Variants in SPTBN4 observed in about 807,000 individuals in gnomAD.
The protein encoded by SPTBN4 is spectrin beta, non-erythrocytic 4, also known as spectrin beta chain, non-erythrocytic 4.
In SPTBN4, 96 loss-of-function variants were observed where a neutral mutation model predicts 277.8. The observed-to-expected ratio is 0.35, with a 90% confidence interval of 0.29 to 0.41. SPTBN4 has a LOEUF of 0.41. SPTBN4 is among the 10% of genes least tolerant of loss of function. The probability of loss-of-function intolerance (pLI) is 1.00; values close to 1 mark genes in which losing one functional copy is unlikely to be tolerated. For missense variants in SPTBN4, 3,006 were observed against 3,595.7 expected, an observed-to-expected ratio of 0.84 and a Z score of 4.19; for synonymous variants, 1,481 against 1,580.3, an observed-to-expected ratio of 0.94 and a Z score of 1.49.
intron 1 of SPTBN4, among the ~76,000 whole-genome samples, chr19:40,471,905 ATTTTTTTTT>A (rs34333509): frequency 1.8e-5 from 2 of 109,384 alleles, no homozygotes; most frequent in African/African-American, 3.3e-5. Flanking sequence ...ACATCCAGCT[ATTTTTTTTT>A]TTTTTTTTTT....
intron 7 of SPTBN4, among the ~76,000 whole-genome samples, chr19:40,499,367 A>G (rs2080238688): frequency 6.6e-6 from 1 of 151,700 alleles, no homozygotes; most frequent in Middle Eastern, 3.2e-3. Flanking sequence ...ATCCAACTGA[A>G]TTTAATATTT....
At chr19:40,533,597 G>A (rs1161573845) in intron 19 of SPTBN4, among the ~76,000 whole-genome samples, 3 of 152,104 alleles carry the variant, frequency 2.0e-5, no homozygotes, top group African/African-American at 7.3e-5. Context: ...GGCATATGGC[G>A]AAGGCAGTCT....
chr19:40,523,192 G>A, intron 16 of SPTBN4, among the ~76,000 whole-genome samples: 1 of 152,166 alleles, frequency 6.6e-6, no homozygotes. Context: ...TGGGGTGGGA[G>A]TTGATAAATT....
chr19:40,486,132 A>G (rs2080069764), intron 2 of SPTBN4, among the ~76,000 whole-genome samples: 5 of 152,076 alleles, frequency 3.3e-5, no homozygotes, highest in Admixed American at 2.6e-4. Flanking sequence ...CTCCACACCA[A>G]ATACAAAAAT....
Position 40,487,856 on chromosome 19 carries a change from G to C in SPTBN4, c.321+8G>C. The C allele has an allele frequency of 6.3e-7, 1 of 1,592,924 alleles. No homozygotes were observed. Among genetic ancestry groups the C allele is most frequent in the Non-Finnish European group, 8.5e-7 (1 of 1,170,690 alleles). On this transcript the variant is annotated splice_region_variant and intron_variant, in intron 3 of 35. Coordinates refer to ENST00000598249, the MANE Select transcript of SPTBN4 (RefSeq NM_020971.3). Reference sequence around the variant, plus strand: ...CTGTCTGGGGAGCAGCTGGTGAGGGGGCCTGAAGGGCTGGGGCAGGGGTCC... The same window carrying C: ...CTGTCTGGGGAGCAGCTGGTGAGGGCGCCTGAAGGGCTGGGGCAGGGGTCC...
chr19:40,513,145 C>T lies in SPTBN4; in HGVS notation c.2356C>T (p.Leu786=). 6.7e-7 allele frequency: 1 copy of T among 1,496,742 alleles called. No homozygotes were observed. Among genetic ancestry groups the T allele is most frequent in the East Asian group, 2.8e-5 (1 of 35,874 alleles). 92.7% of individuals were successfully genotyped at this position (1,496,742 alleles called of 1,614,324 possible). A position where few individuals can be genotyped will look rare whatever the true frequency, so the allele number is the denominator to read the frequency against. ...GTTCGGCGCTGACCTCGACGGGCTG[C>T]TGGACTGGCTTCGCGACGCTTACCG... ...HQFGADLDGL[L]DWLRDAYRLA... Residue 786 remains leucine (L), a synonymous_variant, in exon 14 of 36, where the codon CTG becomes TTG. Transcript: ENST00000598249.
At chr19:40,477,899 C>T (rs888483713) in intron 2 of SPTBN4, among the ~76,000 whole-genome samples, 5 of 152,104 alleles carry the variant, frequency 3.3e-5, no homozygotes, top group South Asian at 4.2e-4. Context: ...AGTGCAATGC[C>T]GCAGTCTCGG....
intron 3 of SPTBN4, among the ~76,000 whole-genome samples, chr19:40,489,784 G>T (rs2080116093): frequency 6.6e-6 from 1 of 152,212 alleles, no homozygotes; most frequent in South Asian, 2.1e-4. Flanking sequence ...TCATGATGGG[G>T]GCGTGGTTAT....
intron 16 of SPTBN4, among the ~76,000 whole-genome samples, chr19:40,521,027 C>T (rs1012069891): frequency 6.6e-6 from 1 of 151,988 alleles, no homozygotes; most frequent in Non-Finnish European, 1.5e-5. Context: ...CGGGTTCAAA[C>T]GATTCTCCTG....
intron 20 of SPTBN4, among the ~76,000 whole-genome samples, chr19:40,540,334 C>T (rs962939209): frequency 4.6e-5 from 7 of 152,060 alleles, no homozygotes; most frequent in South Asian, 2.1e-4. Context: ...ATGTGATACA[C>T]GGTTACTTCA....
At chr19:40,496,572 C>T (rs568626808) in intron 6 of SPTBN4, among the ~76,000 whole-genome samples, 1 of 152,106 alleles carries the variant, frequency 6.6e-6, no homozygotes, top group African/African-American at 2.4e-5. Context: ...GGATGAGCCA[C>T]CATGCCCGGC....
rs114998072 is a variant in SPTBN4 at position 40,557,456 on chromosome 19, C to A, written c.5670+53C>A. Reference sequence around the variant, plus strand: ...GTGGGAGGGCCTGGACAGCTGTGGGCAGCAGAGTGGGCAAAAATCAGGCTG... The same window carrying A: ...GTGGGAGGGCCTGGACAGCTGTGGGAAGCAGAGTGGGCAAAAATCAGGCTG... On this transcript the variant is annotated intron_variant, in intron 26 of 35. Transcript: ENST00000598249. The A allele has an allele frequency of 7.9e-4, 1,183 of 1,493,412 alleles. 8 individuals carry two copies. In the African/African-American group the frequency reaches 0.015, roughly 19 times the overall value. 92.5% of individuals were successfully genotyped at this position (1,493,412 alleles called of 1,614,324 possible). A position where few individuals can be genotyped will look rare whatever the true frequency, so the allele number is the denominator to read the frequency against.
At chr19:40,549,589 T>A (rs1394284323) in intron 21 of SPTBN4, among the ~76,000 whole-genome samples, 176 bp downstream of exon 21, 1 of 152,256 alleles carries the variant, frequency 6.6e-6, no homozygotes, top group Non-Finnish European at 1.5e-5. Context: ...CTTTGAATCA[T>A]TCGTTGATTT....
At chr19:40,504,789 A>C (rs1434555923) in intron 12 of SPTBN4, among the ~76,000 whole-genome samples, 3 of 152,104 alleles carry the variant, frequency 2.0e-5, no homozygotes, top group Non-Finnish European at 2.9e-5. Context: ...CAGAGGCTGC[A>C]GTAAGCCAAG....
intron 20 of SPTBN4, among the ~76,000 whole-genome samples, chr19:40,539,335 G>T (rs954094015): frequency 1.3e-5 from 2 of 152,174 alleles, no homozygotes; most frequent in African/African-American, 4.8e-5. Flanking sequence ...CTCACCCCCT[G>T]GTGGATAGCA....
chr19:40,567,635 A>G lies in SPTBN4; in HGVS notation c.6337-28A>G, dbSNP rs971397784. 4.3e-6 allele frequency: 5 copies of G among 1,168,456 alleles called. No individual in the cohort carries two copies. The African/African-American group carries it at 8.8e-5, about 21-fold the overall frequency. The allele number at this position is 1,168,456 out of a possible 1,614,324, so 72.4% of individuals were successfully genotyped here. A position where few individuals can be genotyped will look rare whatever the true frequency, so the allele number is the denominator to read the frequency against. ...TACCCCGCCCCGGCCCCACGCCTCC[A>G]ACCTAACCCTGGTCCCTCCATCCTC... is the stretch of plus-strand genomic sequence containing the variant. On this transcript the variant is annotated intron_variant, in intron 30 of 35. Coordinates refer to ENST00000598249, the MANE Select transcript of SPTBN4 (RefSeq NM_020971.3).
intron 3 of SPTBN4, among the ~76,000 whole-genome samples, chr19:40,488,463 G>A (rs940682347): frequency 1.3e-5 from 2 of 152,082 alleles, no homozygotes; most frequent in African/African-American, 4.8e-5. Flanking sequence ...CTGGAGCCTG[G>A]ATCTCAAGGA....
intron 13 of SPTBN4, among the ~76,000 whole-genome samples, chr19:40,509,407 G>A (rs1250082174): frequency 3.3e-5 from 5 of 151,708 alleles, no homozygotes; most frequent in South Asian, 2.1e-4. Context: ...CACCATGTCC[G>A]GCTAATTTTG....
At position 40,487,947 on chromosome 19, in the gene SPTBN4, C is replaced by T. The variant is rs2080091549; in HGVS notation, c.321+99C>T. On this transcript the variant is annotated intron_variant, in intron 3 of 35. Coordinates refer to ENST00000598249, the MANE Select transcript of SPTBN4 (RefSeq NM_020971.3). The stretch of plus-strand genomic sequence containing the variant: ...GGCTGAACTGCAAGCAGGGGCCTGG[C>T]TCATGGGCGAGTGGAACGTGCTGGA... The T allele has an allele frequency of 9.6e-6, 13 of 1,357,630 alleles. No individual in the cohort carries two copies. In the South Asian group the frequency reaches 1.1e-4, roughly 11 times the overall value. The allele number at this position is 1,357,630 out of a possible 1,614,324, so 84.1% of individuals were successfully genotyped here. A position where few individuals can be genotyped will look rare whatever the true frequency, so the allele number is the denominator to read the frequency against.
Sources: allele counts gnomAD v4.1 joint callset (sites outside exome capture counted in the v4.1 genomes callset), GRCh38; gene constraint gnomAD v4.1.1; transcripts MANE v1.5; gene names NCBI Gene and HGNC (gene_info 2026-07-23, HGNC 2026-07-21).